The following CRLF2 variants were observed in gnomAD, a reference collection of about 807,000 sequenced individuals.
CRLF2 encodes cytokine receptor-like factor 2.
Under a neutral mutation model 38.7 loss-of-function variants are expected in CRLF2, and 41 were observed. The observed-to-expected ratio is 1.06, with a 90% CI of 0.83 to 1.37. The LOEUF (loss-of-function observed/expected upper bound fraction) is 1.37, where lower values mean the gene tolerates loss of function less well. Ranked by LOEUF, CRLF2 falls within the 40% of genes most tolerant of loss-of-function variation. CRLF2 has a pLI of 0.00. For missense variants in CRLF2, 377 were observed against 322.2 expected (o/e 1.17, Z -1.30); for synonymous variants, 140 against 128.8 (o/e 1.09, Z -0.59).
chrX:1,201,596 T>C (rs1436940034), intron 4 of CRLF2, among the ~76,000 whole-genome samples: 2 of 26,902 alleles, frequency 7.4e-5, no homozygotes, highest in Non-Finnish European at 1.8e-4. Flanking sequence ...AGAGCAATGA[T>C]AGAGAGATAG....
At chrX:1,201,425 A>G (rs2086603280) in intron 4 of CRLF2, among the ~76,000 whole-genome samples, 1 of 151,956 alleles carries the variant, frequency 6.6e-6, no homozygotes, top group African/African-American at 2.4e-5. Context: ...GAAATGATAG[A>G]TACATAGATA....
At position 1,190,887 on chromosome X, in the gene CRLF2, G is replaced by A. The variant is rs1456252019; in HGVS notation, c.*10C>T. 4.1e-3 allele frequency: 1,645 copies of A among 398,640 alleles called. 18 individuals carry two copies. Among genetic ancestry groups the A allele is most frequent in the African/African-American group, 0.03 (1,480 of 48,752 alleles). The allele number at this position is 398,640 out of a possible 1,614,324, so 24.7% of individuals were successfully genotyped here. A position where few individuals can be genotyped will look rare whatever the true frequency, so the allele number is the denominator to read the frequency against. On this transcript the variant is annotated 3_prime_UTR_variant, in exon 8 of 8. Coordinates refer to ENST00000400841, the MANE Select transcript of CRLF2 (RefSeq NM_022148.4). ...GGATCCTGACGTTGACTTTGACAGTGGTGTGTCCATCACAACGCCACGTAG... is the reference window on the plus strand; with the variant it reads ...GGATCCTGACGTTGACTTTGACAGTAGTGTGTCCATCACAACGCCACGTAG...
chrX:1,202,874 C>T (rs777144205), intron 3 of CRLF2, among the ~76,000 whole-genome samples: 3 of 151,956 alleles, frequency 2.0e-5, no homozygotes, highest in South Asian at 2.1e-4. Flanking sequence ...TTTAGAAGGC[C>T]GAGGCGGGTG....
At chrX:1,208,517 C>T (rs1394309823) in intron 2 of CRLF2, among the ~76,000 whole-genome samples, 1 of 152,106 alleles carries the variant, frequency 6.6e-6, no homozygotes, top group Non-Finnish European at 1.5e-5. Flanking sequence ...CGAGATTGCG[C>T]CACTGCACTC....
Position 1,190,643 on chromosome X carries a change from A to C in CRLF2, c.*254T>G. On this transcript the variant is annotated 3_prime_UTR_variant, in exon 8 of 8. Coordinates refer to ENST00000400841, the MANE Select transcript of CRLF2 (RefSeq NM_022148.4). The stretch of plus-strand genomic sequence containing the variant: ...TGACAACGTTCAGGCACGAAAAGGA[A>C]CTGGGAGTAAATCTCCTGGAGCAAT... 2.5e-6 allele frequency: 1 copy of C among 394,326 alleles called. No homozygotes were observed. The highest frequency in any genetic ancestry group is 3.6e-5 in the East Asian group (1 of 27,788). 24.4% of individuals were successfully genotyped at this position (394,326 alleles called of 1,614,324 possible).
chrX:1,206,594 T>C lies in CRLF2; in HGVS notation c.188A>G (p.Asn63Ser). Residue 63 changes from asparagine (N) to serine (S), a missense_variant, in exon 3 of 8, where the codon AAC becomes AGC. By Grantham distance (46) the Asn-to-Ser change is conservative. Coordinates refer to ENST00000400841, the MANE Select transcript of CRLF2 (RefSeq NM_022148.4). ...GCACTGGTCATAGGCCTCATCACCG[T>C]TGAATCTGTGGTTTAAAACGATGAC... ...RTNLTFHYRF[N>S]GDEAYDQCTN... 6.2e-7 allele frequency: 1 copy of C among 1,613,146 alleles called. No individual in the cohort carries two copies. Among genetic ancestry groups the C allele is most frequent in the Non-Finnish European group, 8.5e-7 (1 of 1,179,364 alleles).
rs147147255 is a variant in CRLF2 at position 1,202,374 on chromosome X, C to G, written c.483+28G>C. The G allele has an allele frequency of 1.2e-5, 20 of 1,612,816 alleles. 1 individual carries two copies. The South Asian group carries it at 1.4e-4, about 12-fold the overall frequency. On this transcript the variant is annotated intron_variant, in intron 4 of 7. Coordinates refer to ENST00000400841, the MANE Select transcript of CRLF2 (RefSeq NM_022148.4). ...CACCTGGGGGACGCTCAGCCACCAT[C>G]GCCCTGAGTCGCGGCCGCCCGGCTC...
intron 4 of CRLF2, among the ~76,000 whole-genome samples, chrX:1,200,119 TTG>T (rs1183040047): frequency 6.7e-6 from 1 of 150,054 alleles, no homozygotes; most frequent in African/African-American, 2.4e-5. Flanking sequence ...TATATAAAGT[TTG>T]TGTATCTATA....
chrX:1,194,239 A>G (rs1168328220), intron 6 of CRLF2, among the ~76,000 whole-genome samples: 121,761 of 150,682 alleles, frequency 0.81, 49,386 homozygotes, highest in African/African-American at 0.87. Context: ...GCAGTGATCC[A>G]AGATCACACC....
chrX:1,195,994 T>TTA (rs1282169241), intron 6 of CRLF2, among the ~76,000 whole-genome samples: 4 of 118,468 alleles, frequency 3.4e-5, no homozygotes, highest in African/African-American at 8.0e-5. Context: ...TTTTATATAT[T>TTA]TATATATATA....
chrX:1,192,635 TCTTC>T (rs1801091073), intron 7 of CRLF2, among the ~76,000 whole-genome samples: 1 of 151,568 alleles, frequency 6.6e-6, no homozygotes, highest in African/African-American at 2.4e-5. Context: ...TCTCTTTCTT[TCTTC>T]CTTTTCTTTT....
intron 3 of CRLF2, among the ~76,000 whole-genome samples, chrX:1,204,141 CA>C (rs1319661420): frequency 2.9e-4 from 6 of 20,584 alleles, no homozygotes; most frequent in Non-Finnish European, 1.0e-3. Flanking sequence ...AGAGTATTTC[CA>C]GCTCACTCTG....
intron 6 of CRLF2, among the ~76,000 whole-genome samples, chrX:1,193,976 T>C (rs1163191638): frequency 2.0e-5 from 3 of 148,654 alleles, no homozygotes; most frequent in Non-Finnish European, 3.0e-5. Context: ...AATACAAAAA[T>C]TAGCTGGGCA....
intron 6 of CRLF2, among the ~76,000 whole-genome samples, chrX:1,195,557 G>A (rs1212539283): frequency 4.2e-4 from 62 of 147,924 alleles, no homozygotes; most frequent in Admixed American, 8.9e-4. Flanking sequence ...ACAAGTGCAC[G>A]CTACTACGCC....
In CRLF2 at chrX:1,206,524, T is replaced by A. The variant is rs753944311; in HGVS notation, c.258A>T (p.Leu86=). 1 of 1,613,488 alleles carries A rather than the reference T, an allele frequency of 6.2e-7. No homozygotes were observed. ...LQEGHTSGCL[L]DAEQRDDILY... ...GAATGTCGTCTCGCTGCTCTGCGTC[T>A]AGGAGGCACCCCGAAGTGTGACCTT... is the stretch of plus-strand genomic sequence containing the variant. Residue 86 remains leucine, a synonymous_variant, in exon 3 of 8, where the codon CTA becomes CTT. Coordinates refer to ENST00000400841, the MANE Select transcript of CRLF2 (RefSeq NM_022148.4).
chrX:1,211,924 G>A lies in CRLF2; in HGVS notation c.79+632C>T, dbSNP rs1481114259. 7.7e-5 allele frequency among the ~76,000 whole-genome samples: 11 copies of A among 143,082 alleles called. No individual in the cohort carries two copies. The South Asian group carries it at 9.0e-4, about 12-fold the overall frequency. The allele number at this position is 143,082 out of a possible 152,430, so 93.9% of individuals were successfully genotyped here. ...GGATGGATGGATGTATTGGTGGATG[G>A]ATGGGTGGATGGGTGGATGGATGGA... On this transcript the variant is annotated intron_variant, in intron 1 of 7. Coordinates refer to ENST00000400841, the MANE Select transcript of CRLF2 (RefSeq NM_022148.4).
At position 1,196,785 on chromosome X, in the gene CRLF2, T is replaced by G; in HGVS notation, c.762A>C (p.Leu254Phe). 1 of 1,613,136 alleles carries G rather than the reference T, an allele frequency of 6.2e-7. No individual in the cohort carries two copies. The highest frequency in any genetic ancestry group is 1.7e-4 in the Middle Eastern group (1 of 6,040). ...GCGGCAGGAGTCATCCTTACCTCCA[T>G]AATTTCCATAAAGACAGAAGGAGGA... ...VSLLLLSLWK[L>F]WRVKKFLIPS... The change falls in exon 6 of 8, where the codon TTA (leucine) becomes TTC (phenylalanine). Residue 254 changes from leucine (L) to phenylalanine (F), a missense_variant. By Grantham distance (22) the Leu-to-Phe change is conservative (BLOSUM62 0). Transcript: ENST00000400841.
chrX:1,212,479 T>C, intron 1 of CRLF2, 77 bp downstream of exon 1: 2 of 994,600 alleles, frequency 2.0e-6, no homozygotes, highest in South Asian at 2.7e-5. Flanking sequence ...GTTTAAGTTT[T>C]ACAAAATAAA....
At chrX:1,200,705 TATAAG>T (rs1381838821) in intron 4 of CRLF2, among the ~76,000 whole-genome samples, 6 of 45,952 alleles carry the variant, frequency 1.3e-4, no homozygotes, top group South Asian at 1.1e-3. Flanking sequence ...TGTGTGTGTA[TATAAG>T]ATGTGTATAT....
Sources: allele counts gnomAD v4.1 joint callset (sites outside exome capture counted in the v4.1 genomes callset), GRCh38; gene constraint gnomAD v4.1.1; transcripts MANE v1.5; gene names NCBI Gene and HGNC (gene_info 2026-07-23, HGNC 2026-07-21).